Variants in STK32B observed in about 807,000 individuals in gnomAD.
STK32B encodes serine/threonine-protein kinase 32B.
A neutral mutation model predicts 52.6 loss-of-function variants in STK32B; 43 were observed. The observed-to-expected ratio is 0.82, with a 90% CI of 0.64 to 1.05. The LOEUF is 1.05. Ranked by LOEUF, STK32B falls within the 50% of genes least tolerant of loss-of-function variation. The pLI, the probability that STK32B is intolerant of heterozygous loss-of-function variation, is 0.00. For synonymous variants in STK32B, 238 were observed against 204.3 expected (o/e 1.17, Z -1.41); for missense variants, 621 against 534.6 (o/e 1.16, Z -1.59).
intron 3 of STK32B, among the ~76,000 whole-genome samples, chr4:5,196,564 T>TA (rs1409585612): frequency 6.6e-6 from 1 of 151,458 alleles, no homozygotes; most frequent in African/African-American, 2.4e-5. Context: ...GTTCTAAAAA[T>TA]ACAAAAATTA....
intron 11 of STK32B, among the ~76,000 whole-genome samples, chr4:5,483,596 G>A (rs1577044973): frequency 6.6e-6 from 1 of 151,994 alleles, no homozygotes. Context: ...CTTCAGTTCT[G>A]CTCTGATCTT....
chr4:5,315,074 A>G (rs990693948), intron 3 of STK32B, among the ~76,000 whole-genome samples: 2 of 152,162 alleles, frequency 1.3e-5, no homozygotes, highest in Non-Finnish European at 2.9e-5. Context: ...CAAACCACAT[A>G]TTTGACAAAG....
At chr4:5,051,998 G>A in intron 1 of STK32B, 83 bp downstream of exon 1, 2 of 1,534,064 alleles carry the variant, frequency 1.3e-6, no homozygotes, top group South Asian at 1.2e-5. Context: ...GCGGGGCACC[G>A]CATGCTGCCC....
At chr4:5,275,563 T>G (rs975636503) in intron 3 of STK32B, among the ~76,000 whole-genome samples, 1 of 151,888 alleles carries the variant, frequency 6.6e-6, no homozygotes, top group Non-Finnish European at 1.5e-5. Context: ...GTGAATCAGT[T>G]GCTTGCTAAC....
At chr4:5,411,338 G>A (rs1362975731) in intron 5 of STK32B, among the ~76,000 whole-genome samples, 1 of 152,150 alleles carries the variant, frequency 6.6e-6, no homozygotes, top group African/African-American at 2.4e-5. Flanking sequence ...CCCGGCCAGG[G>A]CCCCATCTCT....
chr4:5,242,117 G>T (rs983046576), intron 3 of STK32B, among the ~76,000 whole-genome samples: 1 of 151,954 alleles, frequency 6.6e-6, no homozygotes, highest in Non-Finnish European at 1.5e-5. Flanking sequence ...GGGTCAAATG[G>T]TATTTGTAGT....
intron 3 of STK32B, among the ~76,000 whole-genome samples, chr4:5,193,279 C>G (rs10937630): frequency 0.53 from 80,105 of 151,934 alleles, 24,309 homozygotes; most frequent in East Asian, 0.75. Context: ...CTCCCTCGCC[C>G]CTCATCCTCC....
At chr4:5,351,205 G>C (rs573202862) in intron 4 of STK32B, among the ~76,000 whole-genome samples, 24 of 150,232 alleles carry the variant, frequency 1.6e-4, no homozygotes, top group Admixed American at 1.6e-3. Flanking sequence ...ACATTCTCCA[G>C]GCTAGACCAT....
intron 2 of STK32B, among the ~76,000 whole-genome samples, chr4:5,151,173 C>T (rs1717336304): frequency 6.6e-6 from 1 of 152,158 alleles, no homozygotes; most frequent in Non-Finnish European, 1.5e-5. Context: ...CACGCAAATT[C>T]ATATAGAATG....
At chr4:5,359,532 G>T (rs1161174731) in intron 4 of STK32B, among the ~76,000 whole-genome samples, 2 of 152,120 alleles carry the variant, frequency 1.3e-5, no homozygotes, top group African/African-American at 4.8e-5. Flanking sequence ...AGTGGAGGGA[G>T]GCAAACAACA....
intron 3 of STK32B, among the ~76,000 whole-genome samples, chr4:5,171,289 T>C (rs962245822): frequency 1.3e-5 from 2 of 152,140 alleles, no homozygotes; most frequent in Admixed American, 1.3e-4. Context: ...TTTCTTTTGC[T>C]GTGCAGAAGC....
intron 5 of STK32B, among the ~76,000 whole-genome samples, chr4:5,412,894 C>CTT (rs911598983): frequency 6.6e-6 from 1 of 152,172 alleles, no homozygotes; most frequent in African/African-American, 2.4e-5. Flanking sequence ...AACCCTCTCA[C>CTT]TTGGAGTAAA....
intron 1 of STK32B, among the ~76,000 whole-genome samples, chr4:5,119,731 A>C (rs1264013827): frequency 6.6e-6 from 1 of 152,256 alleles, no homozygotes; most frequent in African/African-American, 2.4e-5. Context: ...CAGCCAGCTT[A>C]TAAACATGAG....
At chr4:5,413,937 G>T (rs533177543) in intron 5 of STK32B, among the ~76,000 whole-genome samples, 1 of 152,144 alleles carries the variant, frequency 6.6e-6, no homozygotes, top group Non-Finnish European at 1.5e-5. Context: ...CATAATATGC[G>T]TACCCTTGGT....
rs1173403845 is a variant in STK32B, at chr4:5,317,007, TATATATA to T, written c.261-14198_261-14192del. ...ATAATATATATGATATAATATATAA[TATATATA>T]ATATATAATATATATGATATAATAT... On this transcript the variant is annotated intron_variant, in intron 3 of 11. Coordinates refer to ENST00000282908, the MANE Select transcript of STK32B (RefSeq NM_018401.3). 1.4e-3 allele frequency among the ~76,000 whole-genome samples: 36 copies of T among 24,916 alleles called. 5 individuals are homozygous for T. The highest frequency in any genetic ancestry group is 0.056 in the Middle Eastern group (1 of 18). The allele number at this position is 24,916 out of a possible 152,430, so 16.3% of individuals were successfully genotyped here.
In STK32B at chr4:5,110,582, A is replaced by C. The variant is rs116311800; in HGVS notation, c.53-29323A>C. On this transcript the variant is annotated intron_variant, in intron 1 of 11. Coordinates refer to ENST00000282908, the MANE Select transcript of STK32B (RefSeq NM_018401.3). The stretch of plus-strand genomic sequence containing the variant: ...AGTGGAAGAGAGAGGCTGGACCCCT[A>C]TCTCTTACCATATACAAAAGTTAAC... Among the ~76,000 whole-genome samples the C allele has an allele frequency of 5.5e-3, 843 of 152,240 alleles. 15 individuals carry two copies. Among genetic ancestry groups the C allele is most frequent in the African/African-American group, 0.018 (766 of 41,520 alleles).
intron 11 of STK32B, 34 bp from the exon 12 acceptor site, chr4:5,498,911 C>T (rs200685482): frequency 8.2e-5 from 130 of 1,589,152 alleles, no homozygotes; most frequent in Middle Eastern, 3.4e-4. Flanking sequence ...AACCCCATGC[C>T]GCACCACTAA....
At chr4:5,168,162 G>C in intron 2 of STK32B, 137 bp from the exon 3 acceptor site, 1 of 1,144,858 alleles carries the variant, frequency 8.7e-7, no homozygotes, top group Non-Finnish European at 1.2e-6. Context: ...GCCTAACTTA[G>C]CAGAGCTGCT....
intron 3 of STK32B, among the ~76,000 whole-genome samples, chr4:5,317,362 T>C (rs1490105990): frequency 2.1e-4 from 18 of 84,094 alleles, no homozygotes; most frequent in African/African-American, 1.1e-3. Flanking sequence ...ATATATATAA[T>C]GTATATGTAT....
Sources: gnomAD v4.1 joint callset for allele counts (sites outside exome capture counted in the v4.1 genomes callset) on GRCh38, gnomAD v4.1.1 for gene constraint, MANE v1.5 for transcripts, NCBI Gene and HGNC (gene_info 2026-07-23, HGNC 2026-07-21) for gene names.